The following KLF12 variants were observed in gnomAD, a reference collection of about 807,000 sequenced individuals.
KLF12 encodes the protein Krueppel-like factor 12.
Under a neutral mutation model 37.8 loss-of-function variants are expected in KLF12, and 9 were observed. The observed-to-expected ratio is 0.24, with a 90% confidence interval of 0.14 to 0.42. The LOEUF (loss-of-function observed/expected upper bound fraction) is 0.42. Ranked by LOEUF, KLF12 falls within the 10% of genes least tolerant of loss-of-function variation. KLF12 has a pLI of 1.00. For missense variants in KLF12, 411 were observed against 516.0 expected (o/e 0.80, Z 1.97); for synonymous variants, 208 against 202.1 (o/e 1.03, Z -0.25).
upstream of KLF12, among the ~76,000 whole-genome samples, chr13:74,136,508 G>T (rs1216453688): frequency 6.6e-6 from 1 of 152,204 alleles, no homozygotes; most frequent in Non-Finnish European, 1.5e-5. Context: ...AGGGTGGAAG[G>T]ATGCTGTAAG....
At chr13:73,714,185 G>C (rs1217780772) in intron 7 of KLF12, among the ~76,000 whole-genome samples, 2 of 152,176 alleles carry the variant, frequency 1.3e-5, no homozygotes, top group Non-Finnish European at 2.9e-5. Context: ...GCTCACACCT[G>C]TAATCCCAGA....
chr13:73,771,492 A>G (rs1014299656), intron 5 of KLF12, among the ~76,000 whole-genome samples: 1 of 150,788 alleles, frequency 6.6e-6, no homozygotes, highest in African/African-American at 2.4e-5. Flanking sequence ...AACATTTGCT[A>G]AACAATGAGT....
At chr13:74,295,909 G>A in the KLF12 span, among the ~76,000 whole-genome samples, 3 of 152,046 alleles carry the variant, frequency 2.0e-5, no homozygotes, top group African/African-American at 7.2e-5. Context: ...CACCTCCCAG[G>A]CTCAAACGAT....
At chr13:73,979,812 TGA>T (rs1440238886) in intron 2 of KLF12, among the ~76,000 whole-genome samples, 1 of 152,122 alleles carries the variant, frequency 6.6e-6, no homozygotes, top group Non-Finnish European at 1.5e-5. Flanking sequence ...CTCAGAATAT[TGA>T]GACTCTATTT....
At chr13:73,973,972 A>C (rs771663658) in intron 2 of KLF12, among the ~76,000 whole-genome samples, 1 of 152,196 alleles carries the variant, frequency 6.6e-6, no homozygotes, top group Non-Finnish European at 1.5e-5. Context: ...ACACAATAAA[A>C]ACAGCATGGA....
chr13:74,138,992 CA>C, the KLF12 span, among the ~76,000 whole-genome samples: 2 of 152,144 alleles, frequency 1.3e-5, no homozygotes, highest in Non-Finnish European at 2.9e-5. Flanking sequence ...ATCCTCTCAC[CA>C]AAAAGTTATC....
At chr13:73,961,899 C>A (rs1360559263) in intron 2 of KLF12, 1 of 413,380 alleles carries the variant, frequency 2.4e-6, no homozygotes, top group Non-Finnish European at 4.8e-6. Context: ...GGTAGAAATG[C>A]AAAATGGGCA....
At chr13:73,827,112 T>C (rs1392020808) in intron 4 of KLF12, among the ~76,000 whole-genome samples, 1 of 152,232 alleles carries the variant, frequency 6.6e-6, no homozygotes, top group East Asian at 1.9e-4. Flanking sequence ...GATTTTTTCA[T>C]TTAACATTGT....
At chr13:74,039,879 C>T (rs991491257) in intron 1 of KLF12, among the ~76,000 whole-genome samples, 18 of 152,226 alleles carry the variant, frequency 1.2e-4, no homozygotes, top group Non-Finnish European at 2.5e-4. Flanking sequence ...CCTCAATTTT[C>T]ACACATGAGC....
rs1473547846 is a variant in KLF12, at chr13:73,687,684, C to T, written c.*7806G>A. 2.0e-5 allele frequency: 3 copies of T among 152,074 alleles called. No individual in the cohort carries two copies. The highest frequency in any genetic ancestry group is 7.2e-5 in the African/African-American group (3 of 41,406). 9.4% of individuals were successfully genotyped at this position (152,074 alleles called of 1,614,324 possible). On this transcript the variant is annotated 3_prime_UTR_variant, in exon 8 of 8. Transcript: ENST00000377669. Reference sequence around the variant, plus strand: ...ACACTTTTATCACTAGATTTGGATCCAAATTCTATCCTCCTATTAACCCTT... The same window carrying T: ...ACACTTTTATCACTAGATTTGGATCTAAATTCTATCCTCCTATTAACCCTT...
intron 6 of KLF12, among the ~76,000 whole-genome samples, chr13:73,720,397 A>G (rs985213327): frequency 1.3e-5 from 2 of 152,178 alleles, no homozygotes; most frequent in Non-Finnish European, 2.9e-5. Context: ...TACTGCATAC[A>G]CCAGTAGAGC....
At chr13:73,925,596 T>G (rs1469416786) in intron 3 of KLF12, among the ~76,000 whole-genome samples, 1 of 152,196 alleles carries the variant, frequency 6.6e-6, no homozygotes, top group Non-Finnish European at 1.5e-5. Context: ...ACACATCCAT[T>G]CTGCAGCCCG....
At chr13:73,978,641 A>G (rs1044385281) in intron 2 of KLF12, among the ~76,000 whole-genome samples, 4 of 152,176 alleles carry the variant, frequency 2.6e-5, no homozygotes, top group Non-Finnish European at 5.9e-5. Flanking sequence ...TTCCAGGCTT[A>G]ATGATCTAGT....
At chr13:73,817,349 C>CAAAAAACA (rs1555309714) in intron 4 of KLF12, among the ~76,000 whole-genome samples, 90 of 132,546 alleles carry the variant, frequency 6.8e-4, no homozygotes, top group African/African-American at 2.0e-3. Flanking sequence ...AAAAGAAAAA[C>CAAAAAACA]AAAAAAAAAA....
chr13:74,183,469 T>C, the KLF12 span, among the ~76,000 whole-genome samples: 1 of 152,178 alleles, frequency 6.6e-6, no homozygotes, highest in Non-Finnish European at 1.5e-5. Context: ...CAATCTCCTT[T>C]GACCAACACT....
chr13:73,906,284 T>TA (rs1283176264), intron 3 of KLF12, among the ~76,000 whole-genome samples: 1 of 152,230 alleles, frequency 6.6e-6, no homozygotes, highest in Non-Finnish European at 1.5e-5. Context: ...ATAAAATTCT[T>TA]AGACAATATG....
the KLF12 span, among the ~76,000 whole-genome samples, chr13:74,282,483 T>A: frequency 1.3e-5 from 2 of 152,136 alleles, no homozygotes; most frequent in African/African-American, 4.8e-5. Context: ...GGGTGGGAAC[T>A]GAGAGGGTGA....
At chr13:74,260,626 A>AAT in the KLF12 span, among the ~76,000 whole-genome samples, 2 of 117,176 alleles carry the variant, frequency 1.7e-5, no homozygotes, top group African/African-American at 1.0e-4. Flanking sequence ...AATAAAATAA[A>AAT]ATAGTGAATT....
chr13:73,838,169 G>A (rs373348475), intron 4 of KLF12, among the ~76,000 whole-genome samples: 8 of 152,136 alleles, frequency 5.3e-5, no homozygotes, highest in African/African-American at 1.9e-4. Flanking sequence ...AATGCGCAAT[G>A]AGTTTTGCAG....
Sources: allele counts gnomAD v4.1 joint callset (sites outside exome capture counted in the v4.1 genomes callset), GRCh38; gene constraint gnomAD v4.1.1; transcripts MANE v1.5; gene names NCBI Gene and HGNC (gene_info 2026-07-23, HGNC 2026-07-21).